The following SPIDR variants were observed in gnomAD, a reference collection of about 807,000 sequenced individuals.
SPIDR encodes scaffold protein involved in DNA repair, also known as DNA repair-scaffolding protein.
SPIDR carries 93 observed loss-of-function variants against 104.6 expected under a neutral mutation model. That is an observed-to-expected ratio of 0.89 (90% CI 0.75 to 1.06). SPIDR has a LOEUF of 1.06. SPIDR is among the 50% of genes least tolerant of loss of function. SPIDR has a pLI of 0.00. For synonymous variants in SPIDR, 431 were observed against 416.9 expected (o/e 1.03, Z -0.41); for missense variants, 1,154 against 1,111.2 (o/e 1.04, Z -0.55).
intron 8 of SPIDR, among the ~76,000 whole-genome samples, chr8:47,505,230 G>T (rs940745474): frequency 4.6e-5 from 7 of 152,170 alleles, no homozygotes; most frequent in African/African-American, 1.7e-4. Flanking sequence ...GCCCCCAGAG[G>T]TGGAGGCTAC....
At chr8:47,484,427 C>A (rs1456299813) in intron 8 of SPIDR, among the ~76,000 whole-genome samples, 1 of 152,224 alleles carries the variant, frequency 6.6e-6, no homozygotes, top group East Asian at 1.9e-4. Context: ...GGTCCTCCTC[C>A]TGAGGTCCTG....
In SPIDR at chr8:47,682,488, C is replaced by G. The variant is rs553703907; in HGVS notation, c.1685+8547C>G. On this transcript the variant is annotated intron_variant, in intron 11 of 19. Transcript: ENST00000297423. ...CACAACATTCTGAATGTACTAAATACCACTGAATTGCATACTTTAACATGA... is the reference window on the plus strand; with the variant it reads ...CACAACATTCTGAATGTACTAAATAGCACTGAATTGCATACTTTAACATGA... 4.6e-5 allele frequency among the ~76,000 whole-genome samples: 7 copies of G among 152,228 alleles called. No homozygotes were observed. The South Asian group carries it at 1.2e-3, about 27-fold the overall frequency.
intron 8 of SPIDR, among the ~76,000 whole-genome samples, chr8:47,501,077 G>T (rs1454010240): frequency 1.3e-5 from 2 of 152,214 alleles, no homozygotes; most frequent in African/African-American, 4.8e-5. Context: ...CAGGTAGCGT[G>T]ATGCTTCCAG....
chr8:47,389,419 G>A (rs376409036), intron 5 of SPIDR, among the ~76,000 whole-genome samples: 1 of 152,244 alleles, frequency 6.6e-6, no homozygotes, highest in East Asian at 1.9e-4. Context: ...GCCGGGCACG[G>A]TGGCTCACAC....
chr8:47,343,395 C>A (rs2051161109), intron 5 of SPIDR, among the ~76,000 whole-genome samples: 1 of 152,102 alleles, frequency 6.6e-6, no homozygotes, highest in Non-Finnish European at 1.5e-5. Flanking sequence ...TTTGCTGAAT[C>A]AATGAACTAA....
chr8:47,702,401 G>A (rs1381234166), intron 14 of SPIDR, among the ~76,000 whole-genome samples: 1 of 152,168 alleles, frequency 6.6e-6, no homozygotes, highest in African/African-American at 2.4e-5. Context: ...GAAAGAGATG[G>A]AGAAACCTCA....
At chr8:47,697,441 C>A (rs1209943760) in intron 11 of SPIDR, among the ~76,000 whole-genome samples, 1 of 152,082 alleles carries the variant, frequency 6.6e-6, no homozygotes, top group East Asian at 1.9e-4. Context: ...GTGTATAGAT[C>A]TTGATATCTT....
chr8:47,657,765 C>T (rs1203147160), intron 10 of SPIDR, among the ~76,000 whole-genome samples: 1 of 152,098 alleles, frequency 6.6e-6, no homozygotes, highest in Non-Finnish European at 1.5e-5. Flanking sequence ...AGCAATGGCT[C>T]TTGCCTCCAA....
chr8:47,368,343 CAAAAAAAAAAAAAAAAAAAAAA>C (rs34106189), intron 5 of SPIDR, among the ~76,000 whole-genome samples: 183 of 49,416 alleles, frequency 3.7e-3, no homozygotes, highest in East Asian at 6.5e-3. Context: ...GTTGAGAAGT[CAAAAAAAAAAAAAAAAAAAAAA>C]AAAAAAAAAA....
intron 8 of SPIDR, among the ~76,000 whole-genome samples, chr8:47,461,136 A>G (rs1274110701): frequency 1.3e-5 from 2 of 152,172 alleles, no homozygotes; most frequent in Admixed American, 6.6e-5. Flanking sequence ...TGCCTAGGCA[A>G]TGATCTTTTG....
intron 8 of SPIDR, among the ~76,000 whole-genome samples, chr8:47,495,056 T>G (rs1380053858): frequency 1.3e-5 from 2 of 152,204 alleles, no homozygotes; most frequent in African/African-American, 4.8e-5. Flanking sequence ...GACAGTATTT[T>G]TGTAAAGTTA....
At chr8:47,368,524 C>T (rs972969799) in intron 5 of SPIDR, among the ~76,000 whole-genome samples, 13 of 152,110 alleles carry the variant, frequency 8.5e-5, no homozygotes, top group Non-Finnish European at 1.9e-4. Flanking sequence ...TCTTGGTAAA[C>T]ATGCTGTGGT....
chr8:47,405,977 A>C (rs949231885), intron 6 of SPIDR, among the ~76,000 whole-genome samples: 1 of 151,912 alleles, frequency 6.6e-6, no homozygotes, highest in African/African-American at 2.4e-5. Context: ...GTGTGTAGAG[A>C]GCGCCTGTGC....
At chr8:47,567,559 T>C (rs2058025922) in intron 8 of SPIDR, among the ~76,000 whole-genome samples, 1 of 152,064 alleles carries the variant, frequency 6.6e-6, no homozygotes, top group African/African-American at 2.4e-5. Context: ...AATTCTGGAC[T>C]CTGCCATTGC....
At chr8:47,655,186 T>C (rs1201596742) in intron 10 of SPIDR, among the ~76,000 whole-genome samples, 1 of 152,224 alleles carries the variant, frequency 6.6e-6, no homozygotes, top group Non-Finnish European at 1.5e-5. Flanking sequence ...ACAATAAACA[T>C]ACATGTGCAT....
At position 47,735,683 on chromosome 8, in the gene SPIDR, C is replaced by A; in HGVS notation, c.*233C>A. The A allele has an allele frequency of 1.1e-6, 1 of 903,504 alleles. No individual in the cohort carries two copies. Among genetic ancestry groups the A allele is most frequent in the Non-Finnish European group, 1.6e-6 (1 of 621,094 alleles). The allele number at this position is 903,504 out of a possible 1,614,324, so 56.0% of individuals were successfully genotyped here. A position where few individuals can be genotyped will look rare whatever the true frequency, so the allele number is the denominator to read the frequency against. On this transcript the variant is annotated 3_prime_UTR_variant, in exon 20 of 20. Coordinates refer to ENST00000297423, the MANE Select transcript of SPIDR (RefSeq NM_001080394.4). The stretch of plus-strand genomic sequence containing the variant: ...TTCTGCAAATTTAGGAACATATTTA[C>A]TCGTTTTCACATTGAATCTTAAGTT...
intron 10 of SPIDR, among the ~76,000 whole-genome samples, chr8:47,632,082 T>A (rs1200822409): frequency 1.3e-5 from 2 of 152,188 alleles, no homozygotes. Flanking sequence ...AATGGACTAT[T>A]TTTAGAGAAA....
At chr8:47,530,051 T>A (rs1045650669) in intron 8 of SPIDR, among the ~76,000 whole-genome samples, 1 of 152,188 alleles carries the variant, frequency 6.6e-6, no homozygotes, top group Non-Finnish European at 1.5e-5. Flanking sequence ...CAAGCCTAGG[T>A]GATATAGCCT....
At chr8:47,593,488 T>C (rs1221372070) in intron 8 of SPIDR, among the ~76,000 whole-genome samples, 1 of 152,256 alleles carries the variant, frequency 6.6e-6, no homozygotes, top group Non-Finnish European at 1.5e-5. Flanking sequence ...CTTTATGTTA[T>C]CTCAGTATTG....
Sources: gnomAD v4.1 joint callset for allele counts (sites outside exome capture counted in the v4.1 genomes callset) on GRCh38, gnomAD v4.1.1 for gene constraint, MANE v1.5 for transcripts, NCBI Gene and HGNC (gene_info 2026-07-23, HGNC 2026-07-21) for gene names.